The following KBTBD12 variants were observed in gnomAD, a reference collection of about 807,000 sequenced individuals.
KBTBD12 encodes kelch repeat and BTB domain-containing protein 12.
Under a neutral mutation model 58.7 loss-of-function variants are expected in KBTBD12, and 53 were observed. That is an observed-to-expected ratio of 0.90 (90% CI 0.72 to 1.14). The LOEUF (loss-of-function observed/expected upper bound fraction) is 1.14, where lower values mean the gene tolerates loss of function less well. Among genes scored for constraint, KBTBD12 ranks in the 50% most tolerant of loss-of-function variants. The probability of loss-of-function intolerance (pLI) is 0.00; values close to 1 mark genes in which losing one functional copy is unlikely to be tolerated. For synonymous variants in KBTBD12, 236 were observed against 259.8 expected (o/e 0.91, Z 0.88); for missense variants, 704 against 751.3 (o/e 0.94, Z 0.74).
intron 4 of KBTBD12, among the ~76,000 whole-genome samples, chr3:127,939,002 CG>C (rs1338612245): frequency 6.6e-6 from 1 of 152,152 alleles, no homozygotes; most frequent in Non-Finnish European, 1.5e-5. Flanking sequence ...ACTAGAAACC[CG>C]GAAGTGGCCA....
At chr3:127,916,057 A>G (rs1445209575) in intron 1 of KBTBD12, among the ~76,000 whole-genome samples, 1 of 152,174 alleles carries the variant, frequency 6.6e-6, no homozygotes, top group Non-Finnish European at 1.5e-5. Flanking sequence ...ATTGCCCTAC[A>G]TTTTCCCCCA....
At chr3:127,958,501 C>T (rs1249096695) in intron 4 of KBTBD12, among the ~76,000 whole-genome samples, 1 of 152,194 alleles carries the variant, frequency 6.6e-6, no homozygotes, top group African/African-American at 2.4e-5. Flanking sequence ...TGAAAATCCA[C>T]TAAGACCCAG....
chr3:127,986,328 C>T lies in KBTBD12; in HGVS notation c.*2050C>T, dbSNP rs943948622. On this transcript the variant is annotated 3_prime_UTR_variant, in exon 6 of 6. Transcript: ENST00000405109. ...GAGGATTAAGTGCTGAGCAAAGTGC[C>T]TGTGAAATCCTGAAATAATAAGCAT... The T allele has an allele frequency of 1.3e-5, 2 of 152,572 alleles. No individual in the cohort carries two copies. Among genetic ancestry groups the T allele is most frequent in the Non-Finnish European group, 2.9e-5 (2 of 68,048 alleles). 9.5% of individuals were successfully genotyped at this position (152,572 alleles called of 1,614,324 possible).
At chr3:127,976,576 C>G (rs962806011) in intron 5 of KBTBD12, among the ~76,000 whole-genome samples, 1 of 152,208 alleles carries the variant, frequency 6.6e-6, no homozygotes, top group Non-Finnish European at 1.5e-5. Context: ...CTCTCTGCCC[C>G]TTGCTGGCAA....
At chr3:127,939,534 T>C (rs1939904152) in intron 4 of KBTBD12, among the ~76,000 whole-genome samples, 1 of 152,150 alleles carries the variant, frequency 6.6e-6, no homozygotes, top group Non-Finnish European at 1.5e-5. Flanking sequence ...CCAGTTATAG[T>C]GATAAAATAC....
chr3:127,983,005 C>G (rs2107619055), intron 5 of KBTBD12, among the ~76,000 whole-genome samples: 1 of 152,360 alleles, frequency 6.6e-6, no homozygotes, highest in East Asian at 1.9e-4. Flanking sequence ...AGCGCTAGCC[C>G]AGGGCCACAT....
chr3:127,958,886 C>A (rs1436216945), intron 4 of KBTBD12, among the ~76,000 whole-genome samples: 1 of 152,132 alleles, frequency 6.6e-6, no homozygotes, highest in African/African-American at 2.4e-5. Flanking sequence ...ACATGGGGGC[C>A]CAGCAGCCCT....
intron 4 of KBTBD12, among the ~76,000 whole-genome samples, chr3:127,939,404 A>G (rs759279986): frequency 2.7e-5 from 4 of 150,670 alleles, no homozygotes; most frequent in Admixed American, 1.3e-4. Flanking sequence ...GGAACTGAAA[A>G]TACCAGGGAG....
chr3:127,986,957 G>A lies in KBTBD12; in HGVS notation c.*2679G>A, dbSNP rs71329979. On this transcript the variant is annotated 3_prime_UTR_variant, in exon 6 of 6. Transcript: ENST00000405109. The stretch of plus-strand genomic sequence containing the variant: ...GAGGGTCACGCTAGGTGAGACCATC[G>A]CCCGCCTGTGGGAGGCAAGATAAGT... 0.2 allele frequency: 31,053 copies of A among 152,312 alleles called. 3,704 individuals are homozygous for A. Among genetic ancestry groups the A allele is most frequent in the East Asian group, 0.29 (1,522 of 5,182 alleles). 9.4% of individuals were successfully genotyped at this position (152,312 alleles called of 1,614,324 possible). A position where few individuals can be genotyped will look rare whatever the true frequency, so the allele number is the denominator to read the frequency against.
At chr3:127,973,942 C>G (rs967728336) in intron 5 of KBTBD12, among the ~76,000 whole-genome samples, 20 of 152,244 alleles carry the variant, frequency 1.3e-4, no homozygotes, top group Admixed American at 4.6e-4. Context: ...CCCAGCCACA[C>G]CCTGGAGAAA....
chr3:127,920,617 T>C (rs1559758404), intron 1 of KBTBD12, among the ~76,000 whole-genome samples: 1 of 152,074 alleles, frequency 6.6e-6, no homozygotes, highest in Non-Finnish European at 1.5e-5. Context: ...GCAGTAAAAA[T>C]AATATAGTAA....
rs1342321146 is a variant in KBTBD12, at chr3:127,987,181, G to T, written c.*2903G>T. On this transcript the variant is annotated 3_prime_UTR_variant, in exon 6 of 6. Transcript: ENST00000405109. ...AAACTTCTTCTGAGGAATCCCCGAGGTCGAAACCGGTGCTTCACAGATTTC... is the reference window on the plus strand; with the variant it reads ...AAACTTCTTCTGAGGAATCCCCGAGTTCGAAACCGGTGCTTCACAGATTTC... 1 of 152,196 alleles carries T rather than the reference G, an allele frequency of 6.6e-6. No homozygotes were observed. The highest frequency in any genetic ancestry group is 1.5e-5 in the Non-Finnish European group (1 of 68,038). 9.4% of individuals were successfully genotyped at this position (152,196 alleles called of 1,614,324 possible).
At chr3:127,924,578 A>T (rs1939519906) in intron 2 of KBTBD12, among the ~76,000 whole-genome samples, 1 of 151,924 alleles carries the variant, frequency 6.6e-6, no homozygotes, top group Admixed American at 6.6e-5. Context: ...GTTTTTAAAG[A>T]TCTTAATATA....
intron 4 of KBTBD12, 30 bp downstream of exon 4, chr3:127,930,313 A>T: frequency 6.3e-7 from 1 of 1,599,802 alleles, no homozygotes; most frequent in Non-Finnish European, 8.5e-7. Context: ...TAACAGTATA[A>T]CTACTTTTAT....
At chr3:127,925,450 A>C (rs1444023655) in intron 2 of KBTBD12, among the ~76,000 whole-genome samples, 1 of 152,008 alleles carries the variant, frequency 6.6e-6, no homozygotes, top group Non-Finnish European at 1.5e-5. Context: ...TTCTTTACAT[A>C]GTTTTTTTTC....
chr3:127,918,727 A>G (rs981961852), intron 1 of KBTBD12, among the ~76,000 whole-genome samples: 1 of 149,942 alleles, frequency 6.7e-6, no homozygotes, highest in Non-Finnish European at 1.5e-5. Flanking sequence ...AAAAAAAAAG[A>G]AAAAGAAAAG....
At chr3:127,950,945 C>G (rs1363352388) in intron 4 of KBTBD12, among the ~76,000 whole-genome samples, 1 of 152,154 alleles carries the variant, frequency 6.6e-6, no homozygotes, top group Non-Finnish European at 1.5e-5. Flanking sequence ...AGGAGAATCA[C>G]TTGAACATGG....
chr3:127,952,061 A>G (rs1385733513), intron 4 of KBTBD12, among the ~76,000 whole-genome samples: 1 of 152,242 alleles, frequency 6.6e-6, no homozygotes, highest in African/African-American at 2.4e-5. Flanking sequence ...AACAAGGAAA[A>G]AAGTATCCCA....
chr3:127,935,956 T>A (rs897358162), intron 4 of KBTBD12, among the ~76,000 whole-genome samples: 3 of 152,094 alleles, frequency 2.0e-5, no homozygotes, highest in African/African-American at 7.2e-5. Flanking sequence ...AGTAGAACTT[T>A]TACTACAGAC....
Sources: gnomAD v4.1 joint callset for allele counts (sites outside exome capture counted in the v4.1 genomes callset) on GRCh38, gnomAD v4.1.1 for gene constraint, MANE v1.5 for transcripts, NCBI Gene and HGNC (gene_info 2026-07-23, HGNC 2026-07-21) for gene names.